The following HERC6 variants were observed in gnomAD, a reference collection of about 807,000 sequenced individuals.
HERC6 encodes probable E3 ubiquitin-protein ligase HERC6.
Under a neutral mutation model 114.5 loss-of-function variants are expected in HERC6, and 101 were observed. The observed-to-expected ratio is 0.88, with a 90% CI of 0.75 to 1.04. HERC6 has a LOEUF of 1.04. Among genes scored for constraint, HERC6 ranks in the 50% least tolerant of loss-of-function variants. The pLI is 0.00. For missense variants in HERC6, 1,133 were observed against 1,230.9 expected, an observed-to-expected ratio of 0.92 and a Z score of 1.19; for synonymous variants, 408 against 436.2, an observed-to-expected ratio of 0.94 and a Z score of 0.81.
At chr4:88,426,563 T>C (rs1457757726) in intron 15 of HERC6, among the ~76,000 whole-genome samples, 2 of 152,072 alleles carry the variant, frequency 1.3e-5, no homozygotes, top group Non-Finnish European at 2.9e-5. Flanking sequence ...CACTGTAACC[T>C]TCACCTCCCA....
At chr4:88,411,575 G>A (rs1426439535) in intron 11 of HERC6, among the ~76,000 whole-genome samples, 1 of 152,104 alleles carries the variant, frequency 6.6e-6, no homozygotes, top group East Asian at 1.9e-4. Context: ...TTACCCTTAG[G>A]ACATGAAAGG....
chr4:88,390,780 G>T lies in HERC6; in HGVS notation c.565G>T (p.Gly189Ter). ...EGIPLAQVAA[G>*]GAHSFALSLC... ...GATCCCACTGGCTCAGGTGGCTGCC[G>T]GAGGGGCTCACAGCTTTGCCCTGTC... The change falls in exon 4 of 23, where the codon GGA becomes TGA. Residue 189 changes from glycine (G) to a stop codon, truncating the protein, a stop_gained. Coordinates refer to ENST00000264346, the MANE Select transcript of HERC6 (RefSeq NM_017912.4). LOFTEE classifies it high-confidence loss of function. The T allele has an allele frequency of 6.2e-7, 1 of 1,614,184 alleles. No individual in the cohort carries two copies. The highest frequency in any genetic ancestry group is 8.5e-7 in the Non-Finnish European group (1 of 1,180,026).
intron 11 of HERC6, among the ~76,000 whole-genome samples, chr4:88,409,806 A>G (rs1238873256): frequency 3.9e-5 from 6 of 152,348 alleles, no homozygotes; most frequent in Non-Finnish European, 8.8e-5. Context: ...TATTGGGAAG[A>G]AAATTTTCTT....
chr4:88,403,878 T>G (rs1016546857), intron 8 of HERC6, among the ~76,000 whole-genome samples: 5 of 152,214 alleles, frequency 3.3e-5, no homozygotes, highest in African/African-American at 1.2e-4. Context: ...TTTTTATCAT[T>G]TTAAGTATAC....
chr4:88,423,997 G>A, intron 14 of HERC6, 24 bp downstream of exon 14: 1 of 1,094,440 alleles, frequency 9.1e-7, no homozygotes, highest in Non-Finnish European at 1.3e-6. Flanking sequence ...TTTTACTTCT[G>A]AAAATGTTCA....
intron 17 of HERC6, among the ~76,000 whole-genome samples, chr4:88,431,506 A>G (rs1262489484): frequency 6.6e-6 from 1 of 151,996 alleles, no homozygotes; most frequent in African/African-American, 2.4e-5. Flanking sequence ...CTGAGGCCCT[A>G]CTCTACACCT....
intron 13 of HERC6, among the ~76,000 whole-genome samples, chr4:88,419,586 T>G (rs1343192100): frequency 6.6e-6 from 1 of 152,196 alleles, no homozygotes; most frequent in Non-Finnish European, 1.5e-5. Context: ...GAGATCTTGT[T>G]AAAAAATTCA....
At chr4:88,406,738 T>C (rs1735829905) in intron 10 of HERC6, among the ~76,000 whole-genome samples, 1 of 152,148 alleles carries the variant, frequency 6.6e-6, no homozygotes, top group Non-Finnish European at 1.5e-5. Context: ...GGAGAAAATC[T>C]TTCTTTGTTT....
chr4:88,417,689 T>C, intron 13 of HERC6, 110 bp downstream of exon 13: 1 of 891,860 alleles, frequency 1.1e-6, no homozygotes, highest in Non-Finnish European at 1.6e-6. Flanking sequence ...AGGAGTCAAA[T>C]GTTTTTTAAA....
rs1244362467 is a variant in HERC6, at chr4:88,396,837, T to A, written c.888-14T>A. On this transcript the variant is annotated splice_polypyrimidine_tract_variant and intron_variant, in intron 6 of 22. Transcript: ENST00000264346. ...TGCCTTAGTCTTCATTATGGTGTATTCTCTTTCCTGTAGTTATCACACCCT... is the reference window on the plus strand; with the variant it reads ...TGCCTTAGTCTTCATTATGGTGTATACTCTTTCCTGTAGTTATCACACCCT... 1.3e-6 allele frequency: 2 copies of A among 1,541,218 alleles called. No individual in the cohort carries two copies. Among genetic ancestry groups the A allele is most frequent in the East Asian group, 4.7e-5 (2 of 42,614 alleles).
chr4:88,407,063 T>C (rs1450135107), intron 10 of HERC6, among the ~76,000 whole-genome samples: 1 of 147,016 alleles, frequency 6.8e-6, no homozygotes, highest in African/African-American at 2.5e-5. Context: ...CCAGCCTCTT[T>C]TTTAAATTTT....
chr4:88,395,904 C>G (rs942035013), intron 5 of HERC6, 111 bp from the exon 6 acceptor site: 5 of 861,038 alleles, frequency 5.8e-6, no homozygotes, highest in Admixed American at 6.0e-5. Context: ...TTATGTAGAG[C>G]TTGTGTTTCA....
At position 88,383,203 on chromosome 4, in the gene HERC6, T is replaced by G; in HGVS notation, c.200-18T>G. 1 of 1,606,252 alleles carries G rather than the reference T, an allele frequency of 6.2e-7. No individual in the cohort carries two copies. The highest frequency in any genetic ancestry group is 8.5e-7 in the Non-Finnish European group (1 of 1,176,192). On this transcript the variant is annotated intron_variant, in intron 1 of 22. Coordinates refer to ENST00000264346, the MANE Select transcript of HERC6 (RefSeq NM_017912.4). The stretch of plus-strand genomic sequence containing the variant: ...TCTGCAGTGGTGGTTGGGGGGTGTT[T>G]TGTTTTGTTTCCCAAAGAACCAATT...
Position 88,408,586 on chromosome 4 carries a change from A to T in HERC6, c.1337A>T (p.Lys446Met), listed in dbSNP as rs374757818. ...DLEMARDTFK[K>M]LTKKEWISSM... The stretch of plus-strand genomic sequence containing the variant: ...GAAATGGCAAGAGATACCTTCAAGA[A>T]GTTAACAAAAAAGGAATGGATTTCT... The change falls in exon 11 of 23, where the codon AAG (lysine) becomes ATG (methionine). Residue 446 changes from lysine (K) to methionine (M), a missense_variant. This residue lies in a region of HERC6 where 735 missense variants were observed against 754.0 expected (regional missense o/e 0.97). Transcript: ENST00000264346. The T allele has an allele frequency of 1.9e-6, 3 of 1,592,370 alleles. No individual in the cohort carries two copies. In the African/African-American group the frequency reaches 4.0e-5, roughly 21 times the overall value.
At chr4:88,423,037 C>T (rs1321967994) in intron 13 of HERC6, among the ~76,000 whole-genome samples, 2 of 149,738 alleles carry the variant, frequency 1.3e-5, no homozygotes, top group Admixed American at 6.7e-5. Flanking sequence ...AGTTTTGCCC[C>T]ATTTTTCATT....
At chr4:88,425,608 A>G (rs1250665984) in intron 15 of HERC6, among the ~76,000 whole-genome samples, 4 of 152,184 alleles carry the variant, frequency 2.6e-5, no homozygotes, top group Non-Finnish European at 4.4e-5. Flanking sequence ...AATAATGTCT[A>G]TGAGTCAATC....
chr4:88,422,832 T>C (rs1737197726), intron 13 of HERC6, among the ~76,000 whole-genome samples: 2 of 152,312 alleles, frequency 1.3e-5, no homozygotes, highest in East Asian at 1.9e-4. Context: ...GTAGAACTAA[T>C]CTATAAACCT....
intron 15 of HERC6, among the ~76,000 whole-genome samples, chr4:88,427,256 G>A (rs1737730918): frequency 6.6e-6 from 1 of 152,202 alleles, no homozygotes; most frequent in Non-Finnish European, 1.5e-5. Context: ...AATATACAGA[G>A]AACCGGAGTA....
chr4:88,383,214 C>T lies in HERC6; in HGVS notation c.200-7C>T, dbSNP rs746093037. ...GGTTGGGGGGTGTTTTGTTTTGTTT[C>T]CCAAAGAACCAATTCAGGCATTGGA... On this transcript the variant is annotated splice_polypyrimidine_tract_variant and splice_region_variant and intron_variant, in intron 1 of 22. Coordinates refer to ENST00000264346, the MANE Select transcript of HERC6 (RefSeq NM_017912.4). 1 of 1,608,642 alleles carries T rather than the reference C, an allele frequency of 6.2e-7. No individual in the cohort carries two copies.
Sources: allele counts gnomAD v4.1 joint callset (sites outside exome capture counted in the v4.1 genomes callset), GRCh38; gene constraint gnomAD v4.1.1; regional missense constraint gnomAD v4.1.1; transcripts MANE v1.5; gene names NCBI Gene and HGNC (gene_info 2026-07-23, HGNC 2026-07-21).